EHMT1: variants seen among roughly 807,000 people sequenced by gnomAD.
EHMT1 encodes the protein histone-lysine N-methyltransferase EHMT1.
A neutral mutation model predicts 147.2 loss-of-function variants in EHMT1; 15 were observed. The observed-to-expected ratio is 0.10, with a 90% CI of 0.07 to 0.16. EHMT1 has a LOEUF of 0.16. Among genes scored for constraint, EHMT1 ranks in the 10% least tolerant of loss-of-function variants. EHMT1 has a pLI of 1.00. For missense variants in EHMT1, 1,587 were observed against 1,772.4 expected, an observed-to-expected ratio of 0.90 and a Z score of 1.88; for synonymous variants, 795 against 709.6, an observed-to-expected ratio of 1.12 and a Z score of -1.91.
At chr9:137,685,218 C>T (rs548823622) in intron 1 of EHMT1, 5 of 152,126 alleles carry the variant, frequency 3.3e-5, no homozygotes, top group African/African-American at 1.2e-4. Flanking sequence ...ATTTTCATCA[C>T]CCCAAGCAGA....
chr9:137,633,676 A>G (rs1368181031), intron 1 of EHMT1, among the ~76,000 whole-genome samples: 2 of 152,076 alleles, frequency 1.3e-5, no homozygotes, highest in Admixed American at 6.6e-5. Context: ...CGTCATTACC[A>G]CTACTTCCAG....
intron 1 of EHMT1, among the ~76,000 whole-genome samples, chr9:137,651,806 A>G (rs1010996708): frequency 6.6e-6 from 1 of 152,100 alleles, no homozygotes; most frequent in African/African-American, 2.4e-5. Context: ...AAAAGAAAAA[A>G]AAAGATTGTA....
rs1012256446 is a variant in EHMT1 at position 137,785,444 on chromosome 9, G to A, written c.2382+3047G>A. ...AGCCCCTGAGGGTGGGGTGTGCTGA[G>A]CCCGTGAGGGTGGGCCGTGCTGAGC... On this transcript the variant is annotated intron_variant, in intron 15 of 26. Transcript: ENST00000460843. The A allele has an allele frequency of 1.3e-5, 2 of 154,242 alleles. 1 individual carries two copies. The highest frequency in any genetic ancestry group is 1.3e-4 in the Admixed American group (2 of 15,348). 9.6% of individuals were successfully genotyped at this position (154,242 alleles called of 1,614,324 possible). A position where few individuals can be genotyped will look rare whatever the true frequency, so the allele number is the denominator to read the frequency against.
chr9:137,728,891 G>A (rs992859280), intron 4 of EHMT1, among the ~76,000 whole-genome samples: 4 of 152,188 alleles, frequency 2.6e-5, no homozygotes, highest in Admixed American at 6.5e-5. Flanking sequence ...GGGGAAGTCT[G>A]TGGCCCAGGG....
At position 137,813,138 on chromosome 9, in the gene EHMT1, C is replaced by T. The variant is rs35943616; in HGVS notation, c.3000C>T (p.Pro1000=). 29,595 of 1,611,890 alleles carry T rather than the reference C, an allele frequency of 0.018. 4,507 individuals carry two copies. The African/African-American group carries it at 0.34, about 19-fold the overall frequency. ...GCAAGGCTCTGCAGGACTCGGCCCCCGACAGGCCCAGCCCCGTGGAGAGGA... is the reference window on the plus strand; with the variant it reads ...GCAAGGCTCTGCAGGACTCGGCCCCTGACAGGCCCAGCCCCGTGGAGAGGA... The part of the protein sequence containing the change: ...QMSKALQDSA[P]DRPSPVERIV... The change falls in exon 20 of 27, where the codon CCC becomes CCT. Residue 1000 remains proline, a synonymous_variant. Coordinates refer to ENST00000460843, the MANE Select transcript of EHMT1 (RefSeq NM_024757.5). The surrounding 1 kb of genome is among the most constrained non-coding windows in gnomAD (Gnocchi z 4.9).
intron 1 of EHMT1, 53 bp from the exon 2 acceptor site, chr9:137,710,914 G>GA: frequency 6.4e-7 from 1 of 1,552,550 alleles, no homozygotes; most frequent in Non-Finnish European, 8.7e-7. Flanking sequence ...TGTCCATTTG[G>GA]AAAAGCGGCC....
At chr9:137,780,535 G>GGC (rs1564746811) in intron 14 of EHMT1, among the ~76,000 whole-genome samples, 22 of 144,542 alleles carry the variant, frequency 1.5e-4, no homozygotes, top group Admixed American at 2.7e-4. Flanking sequence ...GTGTGGTGAT[G>GGC]ACGCTGAGAT....
chr9:137,760,583 C>T (rs1039255793), intron 9 of EHMT1, among the ~76,000 whole-genome samples: 11 of 152,182 alleles, frequency 7.2e-5, no homozygotes, highest in Non-Finnish European at 1.5e-4. Context: ...TTGACGGCAG[C>T]GTGGACCGTT....
At chr9:137,660,225 A>C (rs1938938305) in intron 1 of EHMT1, among the ~76,000 whole-genome samples, 1 of 151,910 alleles carries the variant, frequency 6.6e-6, no homozygotes. Flanking sequence ...GTCCTAGCTA[A>C]TAAGGCTGAG....
chr9:137,718,415 A>G (rs1308441456), intron 3 of EHMT1, among the ~76,000 whole-genome samples: 1 of 152,238 alleles, frequency 6.6e-6, no homozygotes, highest in Non-Finnish European at 1.5e-5. Flanking sequence ...GCTGGTGAAC[A>G]TTCTGACAGC....
chr9:137,766,373 G>C (rs1588601398), intron 10 of EHMT1, among the ~76,000 whole-genome samples: 1 of 152,208 alleles, frequency 6.6e-6, no homozygotes, highest in East Asian at 1.9e-4. Context: ...CCAGCACTTG[G>C]GGAGGCCGAA....
intron 25 of EHMT1, among the ~76,000 whole-genome samples, chr9:137,830,574 C>T (rs1956121950): frequency 6.6e-6 from 1 of 152,120 alleles, no homozygotes; most frequent in South Asian, 2.1e-4. Flanking sequence ...AAATAGCACT[C>T]CAGATATTAC....
Position 137,754,089 on chromosome 9 carries a change from G to T in EHMT1, c.1249-82G>T. On this transcript the variant is annotated intron_variant, in intron 7 of 26. Transcript: ENST00000460843. ...CAAGACATAGCCAGTGTTCTGTTTTGCAAGAAAACACTTGTAGTGCTCTTG... is the reference window on the plus strand; with the variant it reads ...CAAGACATAGCCAGTGTTCTGTTTTTCAAGAAAACACTTGTAGTGCTCTTG... The T allele has an allele frequency of 3.1e-6, 5 of 1,602,840 alleles. No individual in the cohort carries two copies. The African/African-American group carries it at 5.3e-5, about 17-fold the overall frequency.
intron 18 of EHMT1, among the ~76,000 whole-genome samples, chr9:137,804,765 A>G (rs956470817): frequency 6.6e-6 from 1 of 152,002 alleles, no homozygotes; most frequent in African/African-American, 2.4e-5. Flanking sequence ...GGTGTGAGGT[A>G]TGGATTGAAC....
At chr9:137,801,314 CTTTG>C (rs1236101444) in intron 18 of EHMT1, among the ~76,000 whole-genome samples, 3 of 152,174 alleles carry the variant, frequency 2.0e-5, no homozygotes, top group African/African-American at 4.8e-5. Flanking sequence ...CTGGCTCTCC[CTTTG>C]TTTTTGTTTT....
intron 10 of EHMT1, among the ~76,000 whole-genome samples, chr9:137,773,531 C>T (rs1161258549): frequency 6.6e-6 from 1 of 152,230 alleles, no homozygotes; most frequent in Non-Finnish European, 1.5e-5. Context: ...CACTCTTCTG[C>T]AGGTAGACAG....
In EHMT1 at chr9:137,780,523, ATG is replaced by A. The variant is rs148036213; in HGVS notation, c.2275+811_2275+812del. ...TGAGACGTGTGGTGATGACGCTGGG[ATG>A]TGTGGTGATGACGCTGAGATGTGTG... On this transcript the variant is annotated intron_variant, in intron 14 of 26. Transcript: ENST00000460843. 9.9e-3 allele frequency among the ~76,000 whole-genome samples: 1,194 copies of A among 120,750 alleles called. 102 individuals are homozygous for A. The highest frequency in any genetic ancestry group is 0.046 in the African/African-American group (1,132 of 24,636). The allele number at this position is 120,750 out of a possible 152,430, so 79.2% of individuals were successfully genotyped here. A position where few individuals can be genotyped will look rare whatever the true frequency, so the allele number is the denominator to read the frequency against.
In EHMT1 at chr9:137,782,821, C is replaced by T. The variant is rs1158372315; in HGVS notation, c.2382+424C>T. On this transcript the variant is annotated intron_variant, in intron 15 of 26. Coordinates refer to ENST00000460843, the MANE Select transcript of EHMT1 (RefSeq NM_024757.5). The surrounding 1 kb of genome is among the most constrained non-coding windows in gnomAD (Gnocchi z 5.7). ...CGTCTACAGGGTATGTTGTGTCTGT[C>T]GTTAATCACTGGCTTGTGTTTCTGT... 1.3e-5 allele frequency among the ~76,000 whole-genome samples: 2 copies of T among 152,168 alleles called. No individual in the cohort carries two copies. Among genetic ancestry groups the T allele is most frequent in the African/African-American group, 2.4e-5 (1 of 41,440 alleles).
rs140752569 is a variant in EHMT1, at chr9:137,712,276, C to CA, written c.85+1248dup. ...GTTTCCTACGTGACACCAGATGCCA[C>CA]AAGCCCCAGGTTATTCCATTACGCT... is the stretch of plus-strand genomic sequence containing the variant. On this transcript the variant is annotated intron_variant, in intron 2 of 26. Coordinates refer to ENST00000460843, the MANE Select transcript of EHMT1 (RefSeq NM_024757.5). Among the ~76,000 whole-genome samples, 66 of 152,350 alleles carry CA rather than the reference C, an allele frequency of 4.3e-4. No homozygotes were observed. In the East Asian group the frequency reaches 0.013, roughly 29 times the overall value.
Sources: gnomAD v4.1 joint callset for allele counts (sites outside exome capture counted in the v4.1 genomes callset) on GRCh38, gnomAD v4.1.1 for gene constraint, Gnocchi (gnomAD v3.1) non-coding constraint, MANE v1.5 for transcripts, NCBI Gene and HGNC (gene_info 2026-07-23, HGNC 2026-07-21) for gene names.